C1GALT1C1: variants seen among roughly 807,000 people sequenced by gnomAD.
The protein encoded by C1GALT1C1 is C1GALT1 specific chaperone 1.
For synonymous variants in C1GALT1C1, 77 were observed against 77.9 expected, an observed-to-expected ratio of 0.99 and a Z score of 0.06; for missense variants, 176 against 234.7, an observed-to-expected ratio of 0.75 and a Z score of 1.63.
chrX:120,627,013 T>C lies in C1GALT1C1; in HGVS notation c.154A>G (p.Ile52Val). The C allele has an allele frequency of 8.3e-7, 1 of 1,211,235 alleles. No individual in the cohort carries two copies. The highest frequency in any genetic ancestry group is 1.8e-5 in the South Asian group (1 of 56,963). Residue 52 changes from isoleucine (I) to valine (V), a missense_variant, in exon 2 of 2, where the codon ATC (isoleucine) becomes GTC (valine). By Grantham distance (29) the Ile-to-Val change is conservative. Transcript: ENST00000304661. ...CGCTCATCCTCTGAAATTTTCAAGA[T>C]ATCTTCTTTGTTAGGAGCTTGTAGG... ...HHLQAPNKED[I>V]LKISEDERME...
chrX:120,628,799 A>T (rs1330303002), intron 1 of C1GALT1C1, among the ~76,000 whole-genome samples: 1 of 112,046 alleles, frequency 8.9e-6, no homozygotes, highest in Non-Finnish European at 1.9e-5. Flanking sequence ...CAAGGTGTGG[A>T]ATAGCTTGGC....
chrX:120,626,992 C>T lies in C1GALT1C1; in HGVS notation c.175G>A (p.Glu59Lys). Residue 59 changes from glutamate (E) to lysine (K), a missense_variant, in exon 2 of 2, where the codon GAG (glutamate) becomes AAG (lysine). By Grantham distance (56) the Glu-to-Lys change is moderately conservative. Transcript: ENST00000304661. ...KEDILKISED[E>K]RMELSKSFRV... The stretch of plus-strand genomic sequence containing the variant: ...AAGCTCTTACTGAGCTCCATGCGCT[C>T]ATCCTCTGAAATTTTCAAGATATCT... 8.3e-7 allele frequency: 1 copy of T among 1,210,974 alleles called. No homozygotes were observed. The highest frequency in any genetic ancestry group is 1.1e-6 in the Non-Finnish European group (1 of 895,361).
Position 120,626,552 on chromosome X carries a change from T to C in C1GALT1C1, c.615A>G (p.Glu205=). Residue 205 remains glutamate, a synonymous_variant, in exon 2 of 2, where the codon GAA becomes GAG. Transcript: ENST00000304661. ...TCATCCCTCCCTGTTCAGGACACTT[T>C]TCTGGGATATTGAGAAGGCTGTTAA... ...KRLNSLLNIP[E]KCPEQGGMIW... 2 of 1,211,884 alleles carry C rather than the reference T, an allele frequency of 1.7e-6. No individual in the cohort carries two copies. The highest frequency in any genetic ancestry group is 2.2e-6 in the Non-Finnish European group (2 of 895,381).
chrX:120,626,654 G>T lies in C1GALT1C1; in HGVS notation c.513C>A (p.His171Gln), dbSNP rs372151456. ...KDPSQPFYLG[H>Q]TIKSGDLEYV... is the part of the protein sequence containing the mutation. ...ATTCAAGGTCTCCAGATTTTATAGT[G>T]TGGCCTAGATAGAAAGGCTGTGATG... Residue 171 changes from histidine (H) to glutamine (Q), a missense_variant, in exon 2 of 2, where the codon CAC (histidine) becomes CAA (glutamine). By Grantham distance (24) the His-to-Gln change is conservative. Coordinates refer to ENST00000304661, the MANE Select transcript of C1GALT1C1 (RefSeq NM_001011551.3). 13 of 1,207,282 alleles carry T rather than the reference G, an allele frequency of 1.1e-5. No homozygotes were observed. The highest frequency in any genetic ancestry group is 1.5e-5 in the Non-Finnish European group (13 of 893,847).
Position 120,626,635 on chromosome X carries a change from G to A in C1GALT1C1, c.532C>T (p.Leu178Phe). ...CCTCCTTCCATACCCACATATTCAA[G>A]GTCTCCAGATTTTATAGTGTGGCCT... ...YLGHTIKSGD[L>F]EYVGMEGGIV... The change falls in exon 2 of 2, where the codon CTT becomes TTT. Residue 178 changes from leucine to phenylalanine, a missense_variant. Physicochemically the swap from Leu to Phe is conservative, Grantham distance 22. Transcript: ENST00000304661. 1 of 1,208,244 alleles carries A rather than the reference G, an allele frequency of 8.3e-7. No homozygotes were observed. The highest frequency in any genetic ancestry group is 1.1e-6 in the Non-Finnish European group (1 of 893,599).
rs377373733 is a variant in C1GALT1C1, at chrX:120,626,171, T to C, written c.*39A>G. 1.4e-5 allele frequency: 15 copies of C among 1,084,895 alleles called. No individual in the cohort carries two copies. Among genetic ancestry groups the C allele is most frequent in the Non-Finnish European group, 1.8e-5 (14 of 792,505 alleles). 89.4% of individuals were successfully genotyped at this position (1,084,895 alleles called of 1,213,427 possible). On this transcript the variant is annotated 3_prime_UTR_variant, in exon 2 of 2. Coordinates refer to ENST00000304661, the MANE Select transcript of C1GALT1C1 (RefSeq NM_001011551.3). ...CTACTACAAATAATGACAACACACG[T>C]CCTATACAAAGATCATATTCACGCT...
chrX:120,628,898 A>G (rs1927261196), intron 1 of C1GALT1C1, among the ~76,000 whole-genome samples: 1 of 111,851 alleles, frequency 8.9e-6, no homozygotes, highest in Non-Finnish European at 1.9e-5. Flanking sequence ...CACAGTTCCA[A>G]GAAGAGAAGT....
At chrX:120,628,720 T>C (rs1262959054) in intron 1 of C1GALT1C1, among the ~76,000 whole-genome samples, 1 of 111,730 alleles carries the variant, frequency 9.0e-6, no homozygotes, top group East Asian at 2.8e-4. Context: ...CAGCACCATA[T>C]TGCTACAAGG....
Position 120,627,135 on chromosome X carries a change from C to G in C1GALT1C1, c.32G>C (p.Gly11Ala). 1 of 1,137,758 alleles carries G rather than the reference C, an allele frequency of 8.8e-7. No homozygotes were observed. The allele number at this position is 1,137,758 out of a possible 1,213,427, so 93.8% of individuals were successfully genotyped here. A position where few individuals can be genotyped will look rare whatever the true frequency, so the allele number is the denominator to read the frequency against. Residue 11 changes from glycine (G) to alanine (A), a missense_variant, in exon 2 of 2, where the codon GGT becomes GCT. Physicochemically the swap from Gly to Ala is moderately conservative, Grantham distance 60 (BLOSUM62 0). Transcript: ENST00000304661. MLSESSSFLK[G>A]VMLGSIFCAL... ...ACAGAAAATGCTTCCAAGCATCACA[C>G]CCTTCAAAAAGGAGCTGCTTTCAGA...
At chrX:120,627,970 G>A (rs942892508) in intron 1 of C1GALT1C1, among the ~76,000 whole-genome samples, 1 of 111,920 alleles carries the variant, frequency 8.9e-6, no homozygotes, top group Non-Finnish European at 1.9e-5. Flanking sequence ...CAGGTGCAGT[G>A]GCTCATGGCT....
chrX:120,629,279 G>A (rs775216434), intron 1 of C1GALT1C1, among the ~76,000 whole-genome samples: 1 of 110,319 alleles, frequency 9.1e-6, no homozygotes, highest in Non-Finnish European at 1.9e-5. Flanking sequence ...GAATTGTCAG[G>A]TGCACTCTAA....
At chrX:120,628,066 T>G (rs1310651273) in intron 1 of C1GALT1C1, among the ~76,000 whole-genome samples, 2 of 110,390 alleles carry the variant, frequency 1.8e-5, no homozygotes, top group Non-Finnish European at 3.8e-5. Context: ...TGGTGAAACC[T>G]TGTCTCTACC....
rs1927168762 is a variant in C1GALT1C1 at position 120,626,305 on chromosome X, C to T, written c.862G>A (p.Val288Met). The change falls in exon 2 of 2, where the codon GTG (valine) becomes ATG (methionine). Residue 288 changes from valine to methionine, a missense_variant. Val to Met is a conservative substitution (Grantham distance 21). Coordinates refer to ENST00000304661, the MANE Select transcript of C1GALT1C1 (RefSeq NM_001011551.3). ...AGGCGGTATACCCCATACATCATCACATGCATCTGATTTGGAGTCAGTCCA... is the reference window on the plus strand; with the variant it reads ...AGGCGGTATACCCCATACATCATCATATGCATCTGATTTGGAGTCAGTCCA... The part of the protein sequence containing the change: ...FNGLTPNQMH[V>M]MMYGVYRLRA... The T allele has an allele frequency of 1.6e-6, 2 of 1,212,358 alleles. No homozygotes were observed. Among genetic ancestry groups the T allele is most frequent in the Non-Finnish European group, 1.1e-6 (1 of 895,517 alleles).
At chrX:120,629,755 G>C (rs952625419) in intron 1 of C1GALT1C1, among the ~76,000 whole-genome samples, 162 bp downstream of exon 1, 1 of 111,981 alleles carries the variant, frequency 8.9e-6, no homozygotes, top group Non-Finnish European at 1.9e-5. Context: ...AGCGCCCCCA[G>C]GAAGAAGACT....
In C1GALT1C1 at chrX:120,626,824, T is replaced by A; in HGVS notation, c.343A>T (p.Thr115Ser). Reference protein sequence around the residue: ...VKVFESINMDTNDMWLMMRKA... With the variant: ...VKVFESINMDSNDMWLMMRKA... The stretch of plus-strand genomic sequence containing the variant: ...CTCATCATTAACCACATGTCATTTG[T>A]GTCCATATTAATTGACTCAAACACT... Residue 115 changes from threonine (T) to serine (S), a missense_variant, in exon 2 of 2, where the codon ACA becomes TCA. Transcript: ENST00000304661. 8.3e-7 allele frequency: 1 copy of A among 1,210,229 alleles called. No individual in the cohort carries two copies. The highest frequency in any genetic ancestry group is 1.1e-6 in the Non-Finnish European group (1 of 894,293).
chrX:120,629,746 G>C (rs1569409350), intron 1 of C1GALT1C1, among the ~76,000 whole-genome samples, 171 bp downstream of exon 1: 1 of 111,915 alleles, frequency 8.9e-6, no homozygotes, highest in Non-Finnish European at 1.9e-5. Context: ...GACCAAGAGA[G>C]CGCCCCCAGG....
chrX:120,627,473 T>C lies in C1GALT1C1; in HGVS notation c.-5-302A>G, dbSNP rs1927218952. On this transcript the variant is annotated intron_variant, in intron 1 of 1. Transcript: ENST00000304661. ...CTTGAAACCAGTGTTACAGAGGTTA[T>C]CCATCCACCATTCTCTTTAAAGAAT... 4 of 166,389 alleles carry C rather than the reference T, an allele frequency of 2.4e-5. No homozygotes were observed. In the Admixed American group the frequency reaches 3.1e-4, roughly 13 times the overall value. The allele number at this position is 166,389 out of a possible 1,213,427, so 13.7% of individuals were successfully genotyped here.
chrX:120,627,526 A>C (rs960450078), intron 1 of C1GALT1C1: 1 of 125,380 alleles, frequency 8.0e-6, no homozygotes, highest in Non-Finnish European at 1.6e-5. Context: ...CATTATTTAA[A>C]TACCTCTAAA....
At position 120,626,285 on chromosome X, in the gene C1GALT1C1, G is replaced by A; in HGVS notation, c.882C>T (p.Tyr294=). 8.2e-7 allele frequency: 1 copy of A among 1,212,336 alleles called. No individual in the cohort carries two copies. The highest frequency in any genetic ancestry group is 1.1e-6 in the Non-Finnish European group (1 of 895,580). The change falls in exon 2 of 2, where the codon TAC becomes TAT. Residue 294 remains tyrosine, a synonymous_variant. Coordinates refer to ENST00000304661, the MANE Select transcript of C1GALT1C1 (RefSeq NM_001011551.3). ...AAATATGCCCAAATGCCCTAAGGCG[G>A]TATACCCCATACATCATCACATGCA... ...NQMHVMMYGV[Y]RLRAFGHIFN...
Sources: allele counts gnomAD v4.1 joint callset (sites outside exome capture counted in the v4.1 genomes callset), GRCh38; gene constraint gnomAD v4.1.1; transcripts MANE v1.5; gene names NCBI Gene and HGNC (gene_info 2026-07-23, HGNC 2026-07-21).